Variants in GPA33 observed in about 807,000 individuals in gnomAD.
The protein encoded by GPA33 is cell surface A33 antigen.
Under a neutral mutation model 35.6 loss-of-function variants are expected in GPA33, and 27 were observed. The ratio of observed to expected loss-of-function variants is 0.76; its 90% CI spans 0.56 to 1.04. The LOEUF (loss-of-function observed/expected upper bound fraction) is 1.04. GPA33 is among the 50% of genes least tolerant of loss of function. The pLI is 0.00. For missense variants in GPA33, 428 were observed against 411.9 expected (o/e 1.04, Z -0.34); for synonymous variants, 176 against 164.0 (o/e 1.07, Z -0.56).
intron 1 of GPA33, chr1:167,082,384 A>C: frequency 4.5e-6 from 2 of 446,712 alleles, no homozygotes; most frequent in Non-Finnish European, 9.0e-6. Flanking sequence ...CAGTGAGGGC[A>C]GCCTATTTTG....
At chr1:167,086,322 T>C (rs1049502966) in intron 1 of GPA33, among the ~76,000 whole-genome samples, 2 of 152,248 alleles carry the variant, frequency 1.3e-5, no homozygotes, top group African/African-American at 4.8e-5. Context: ...CCGCTTATCT[T>C]GCAGTTGCAT....
chr1:167,060,184 C>T (rs542117688), intron 4 of GPA33, among the ~76,000 whole-genome samples: 2 of 152,288 alleles, frequency 1.3e-5, no homozygotes, highest in East Asian at 3.9e-4. Flanking sequence ...AGGATCTTCC[C>T]ACCTCAGCCT....
intron 2 of GPA33, among the ~76,000 whole-genome samples, chr1:167,070,739 A>C: frequency 6.6e-6 from 1 of 152,236 alleles, no homozygotes; most frequent in East Asian, 1.9e-4. Context: ...ATGGGTCCTC[A>C]GATAAGGTTG....
intron 3 of GPA33, among the ~76,000 whole-genome samples, chr1:167,064,768 T>G (rs149948506): frequency 2.6e-5 from 4 of 152,316 alleles, no homozygotes; most frequent in Admixed American, 2.6e-4. Flanking sequence ...ATCCTCCTCC[T>G]GTGCTTTGCA....
chr1:167,073,774 CT>C (rs1189904841), intron 1 of GPA33, among the ~76,000 whole-genome samples: 2 of 152,182 alleles, frequency 1.3e-5, no homozygotes, highest in African/African-American at 2.4e-5. Context: ...GATGAATTGC[CT>C]GGCCCTGAAC....
At chr1:167,088,597 C>G (rs759628428) in intron 1 of GPA33, among the ~76,000 whole-genome samples, 6 of 152,136 alleles carry the variant, frequency 3.9e-5, no homozygotes, top group Non-Finnish European at 7.3e-5. Flanking sequence ...GGTGAGTTCC[C>G]CAGGGGTCAC....
intron 4 of GPA33, among the ~76,000 whole-genome samples, chr1:167,057,126 C>T (rs906977840): frequency 2.0e-5 from 3 of 151,192 alleles, no homozygotes; most frequent in Non-Finnish European, 4.4e-5. Context: ...CTACATCTGC[C>T]GCCACTTGAG....
Position 167,068,918 on chromosome 1 carries a change from T to G in GPA33, c.415+4A>C, listed in dbSNP as rs746016975. 6.9e-5 allele frequency: 111 copies of G among 1,609,092 alleles called. No individual in the cohort carries two copies. Among genetic ancestry groups the G allele is most frequent in the Non-Finnish European group, 9.1e-5 (107 of 1,177,082 alleles). ...CAACTCCTGAAAGACATGAAGACAC[T>G]CACCGAGGACCAACAGGCGGACACG... is the stretch of plus-strand genomic sequence containing the variant. On this transcript the variant is annotated splice_donor_region_variant and intron_variant, in intron 3 of 6. Transcript: ENST00000367868.
chr1:167,062,911 C>G (rs551211530), intron 4 of GPA33, among the ~76,000 whole-genome samples: 1 of 152,068 alleles, frequency 6.6e-6, no homozygotes, highest in Admixed American at 6.5e-5. Context: ...GCGTGGAGCC[C>G]CCGAGTTAGA....
chr1:167,057,009 GTGTGTGA>G (rs1249005983), intron 4 of GPA33, among the ~76,000 whole-genome samples: 1 of 149,534 alleles, frequency 6.7e-6, no homozygotes, highest in African/African-American at 2.5e-5. Context: ...AATGTGTGTG[GTGTGTGA>G]TGTGTGGTGT....
At chr1:167,056,663 G>A (rs56179243) in intron 4 of GPA33, among the ~76,000 whole-genome samples, 1 of 698 alleles carries the variant, frequency 1.4e-3, no homozygotes, top group Non-Finnish European at 3.1e-3. Context: ...GTGTGGTACG[G>A]TGAGTGTGTG....
chr1:167,064,423 T>G (rs1163189421), intron 3 of GPA33, among the ~76,000 whole-genome samples: 1 of 152,202 alleles, frequency 6.6e-6, no homozygotes. Context: ...CTCCAGATCC[T>G]GTGCACTCTC....
At chr1:167,061,853 C>A (rs1384676827) in intron 4 of GPA33, among the ~76,000 whole-genome samples, 1 of 152,166 alleles carries the variant, frequency 6.6e-6, no homozygotes, top group Non-Finnish European at 1.5e-5. Flanking sequence ...CCGCCTGCCT[C>A]AGCCTCCCAA....
At chr1:167,057,997 G>A (rs978514591) in intron 4 of GPA33, among the ~76,000 whole-genome samples, 1 of 152,120 alleles carries the variant, frequency 6.6e-6, no homozygotes, top group African/African-American at 2.4e-5. Context: ...TCAGGAGTTC[G>A]AGACCAGCCT....
chr1:167,065,479 G>A (rs1666571159), intron 3 of GPA33, among the ~76,000 whole-genome samples: 1 of 152,202 alleles, frequency 6.6e-6, no homozygotes, highest in African/African-American at 2.4e-5. Flanking sequence ...TCCCTAGGTG[G>A]CAAGCCTGTC....
chr1:167,055,237 T>C, intron 5 of GPA33, 126 bp from the exon 6 acceptor site: 2 of 867,458 alleles, frequency 2.3e-6, no homozygotes, highest in Non-Finnish European at 3.6e-6. Context: ...CTTGGAGGAA[T>C]GTGACCAGCC....
rs1666758838 is a variant in GPA33, at chr1:167,073,399, G to A, written c.184C>T (p.Leu62Phe). ...REGLIQWDKL[L>F]LTHTERVVIW... ...AGTATCCTTACCGTATGAGTGAGGA[G>A]GAGCTTATCCCATTGAATAAGTCCC... The change falls in exon 2 of 7, where the codon CTC becomes TTC. Residue 62 changes from leucine to phenylalanine, a missense_variant. Coordinates refer to ENST00000367868, the MANE Select transcript of GPA33 (RefSeq NM_005814.3). 6.2e-7 allele frequency: 1 copy of A among 1,613,948 alleles called. No individual in the cohort carries two copies. The highest frequency in any genetic ancestry group is 1.1e-5 in the South Asian group (1 of 91,078).
chr1:167,073,722 A>G (rs1666767255), intron 1 of GPA33, among the ~76,000 whole-genome samples, 183 bp from the exon 2 acceptor site: 1 of 152,182 alleles, frequency 6.6e-6, no homozygotes, highest in Non-Finnish European at 1.5e-5. Flanking sequence ...CGATGAGGAC[A>G]AACACATGGG....
intron 6 of GPA33, 147 bp downstream of exon 6, chr1:167,054,829 G>T: frequency 1.1e-6 from 1 of 912,618 alleles, no homozygotes; most frequent in East Asian, 2.5e-5. Flanking sequence ...CACATTTTAT[G>T]GCTTGGACAG....
Sources: allele counts gnomAD v4.1 joint callset (sites outside exome capture counted in the v4.1 genomes callset), GRCh38; gene constraint gnomAD v4.1.1; transcripts MANE v1.5; gene names NCBI Gene and HGNC (gene_info 2026-07-23, HGNC 2026-07-21).